The following LARGE1 variants were observed in gnomAD, a reference collection of about 807,000 sequenced individuals.
The protein encoded by LARGE1 is LARGE xylosyl- and glucuronyltransferase 1, also known as xylosyl- and glucuronyltransferase LARGE1.
A neutral mutation model predicts 87.6 loss-of-function variants in LARGE1; 43 were observed. The ratio of observed to expected loss-of-function variants is 0.49; its 90% CI spans 0.38 to 0.63. LARGE1 has a LOEUF of 0.63. LARGE1 is among the 30% of genes least tolerant of loss of function. The probability of loss-of-function intolerance (pLI) is 0.00; values close to 1 mark genes in which losing one functional copy is unlikely to be tolerated. For missense variants in LARGE1, 802 were observed against 1,000.2 expected, an observed-to-expected ratio of 0.80 and a Z score of 2.67; for synonymous variants, 434 against 394.6, an observed-to-expected ratio of 1.10 and a Z score of -1.18.
chr22:33,513,853 T>G (rs557858978), intron 6 of LARGE1, among the ~76,000 whole-genome samples: 2 of 88,606 alleles, frequency 2.3e-5, no homozygotes, highest in East Asian at 6.1e-4. Context: ...ACACGAGTCA[T>G]GTGCCACATA....
At chr22:33,585,042 G>C (rs2078630225) in intron 5 of LARGE1, among the ~76,000 whole-genome samples, 1 of 152,142 alleles carries the variant, frequency 6.6e-6, no homozygotes, top group African/African-American at 2.4e-5. Context: ...GCTTGAATCT[G>C]GGAGGTGGAG....
chr22:33,144,896 G>C, the LARGE1 span, among the ~76,000 whole-genome samples: 43 of 152,098 alleles, frequency 2.8e-4, no homozygotes, highest in Admixed American at 4.6e-4. Context: ...GATGGCAGGA[G>C]GCTGCAAGTC....
intron 6 of LARGE1, among the ~76,000 whole-genome samples, chr22:33,559,985 C>T (rs1167937138): frequency 6.6e-6 from 1 of 152,170 alleles, no homozygotes; most frequent in African/African-American, 2.4e-5. Context: ...TAACTTCGGT[C>T]TCTCCAAAGA....
intron 6 of LARGE1, among the ~76,000 whole-genome samples, chr22:33,465,842 T>TCA: frequency 6.6e-6 from 1 of 152,180 alleles, no homozygotes. Context: ...CTCCTCTCTC[T>TCA]CACCAATGGC....
intron 11 of LARGE1, among the ~76,000 whole-genome samples, chr22:33,224,526 A>G (rs756501161): frequency 1.1e-4 from 17 of 152,214 alleles, no homozygotes; most frequent in Non-Finnish European, 2.2e-4. Context: ...CTAAGAGAAA[A>G]CAGGTGTCTT....
chr22:33,217,563 G>T (rs1925267780), intron 11 of LARGE1, among the ~76,000 whole-genome samples: 1 of 152,126 alleles, frequency 6.6e-6, no homozygotes. Flanking sequence ...TTATTATATT[G>T]CCCATGAATG....
chr22:33,457,314 T>A (rs2068176597), intron 6 of LARGE1, among the ~76,000 whole-genome samples: 2 of 136,326 alleles, frequency 1.5e-5, no homozygotes, highest in Non-Finnish European at 3.2e-5. Context: ...TTTTTTTTTT[T>A]TTTTTTTTTG....
the LARGE1 span, among the ~76,000 whole-genome samples, chr22:33,100,115 C>T: frequency 6.6e-6 from 1 of 152,032 alleles, no homozygotes; most frequent in Non-Finnish European, 1.5e-5. Context: ...GCGGGTGGAT[C>T]ACCTGAGGTC....
chr22:33,349,906 G>C (rs1422681351), intron 9 of LARGE1, among the ~76,000 whole-genome samples: 1 of 152,152 alleles, frequency 6.6e-6, no homozygotes, highest in African/African-American at 2.4e-5. Flanking sequence ...CAGGAAAGGG[G>C]AAGAAAAGAG....
chr22:33,247,388 G>A (rs1201180325), intron 11 of LARGE1, among the ~76,000 whole-genome samples: 3 of 152,076 alleles, frequency 2.0e-5, no homozygotes, highest in African/African-American at 4.8e-5. Flanking sequence ...AGACCAAGCC[G>A]TGAATAAATT....
At chr22:33,541,058 G>GGGC (rs1241371093) in intron 6 of LARGE1, among the ~76,000 whole-genome samples, 1 of 97,104 alleles carries the variant, frequency 1.0e-5, no homozygotes, top group African/African-American at 3.6e-5. Flanking sequence ...GGGTTGCGGG[G>GGGC]GGGGGGGGGC....
intron 1 of LARGE1, among the ~76,000 whole-genome samples, chr22:33,890,078 G>C (rs16993248): frequency 0.042 from 6,341 of 152,326 alleles, 160 homozygotes; most frequent in East Asian, 0.14. Flanking sequence ...TCAGGCCTGG[G>C]AGAGAACAAC....
the LARGE1 span, among the ~76,000 whole-genome samples, chr22:33,086,311 C>T: frequency 2.6e-5 from 4 of 152,052 alleles, no homozygotes; most frequent in Non-Finnish European, 4.4e-5. Context: ...AATAACTTTG[C>T]TACGAGTTCC....
At chr22:33,624,626 G>C (rs1037587989) in intron 4 of LARGE1, among the ~76,000 whole-genome samples, 2 of 152,146 alleles carry the variant, frequency 1.3e-5, no homozygotes, top group Admixed American at 1.3e-4. Context: ...GGAGTGCAAA[G>C]TCAAAGCAAA....
intron 1 of LARGE1, among the ~76,000 whole-genome samples, chr22:33,867,267 A>C (rs1218299821): frequency 6.6e-6 from 1 of 152,214 alleles, no homozygotes; most frequent in Non-Finnish European, 1.5e-5. Context: ...CTTAATCATC[A>C]TGAACAGGAA....
intron 5 of LARGE1, among the ~76,000 whole-genome samples, chr22:33,576,301 T>A (rs1039220441): frequency 1.3e-5 from 2 of 152,216 alleles, no homozygotes; most frequent in South Asian, 4.1e-4. Flanking sequence ...ACCTGCTTCG[T>A]TCATTCATTC....
intron 9 of LARGE1, 58 bp from the exon 10 acceptor site, chr22:33,337,859 C>T (rs1372148857): frequency 5.7e-6 from 9 of 1,567,160 alleles, no homozygotes; most frequent in Admixed American, 1.7e-5. Flanking sequence ...GGATCCCTCA[C>T]ACCTGTAGGA....
the LARGE1 span, among the ~76,000 whole-genome samples, chr22:33,092,889 T>C: frequency 2.0e-5 from 3 of 152,180 alleles, no homozygotes; most frequent in East Asian, 1.9e-4. Context: ...GGCATTTGGG[T>C]TGATTTCACA....
In LARGE1 at chr22:33,711,052, C is replaced by A. The variant is rs192813843; in HGVS notation, c.106+50319G>T. Among the ~76,000 whole-genome samples, 5 of 152,160 alleles carry A rather than the reference C, an allele frequency of 3.3e-5. No homozygotes were observed. The East Asian group carries it at 9.7e-4, about 30-fold the overall frequency. ...ACGAGGCACTGTGCTGGATATAGAT[C>A]CCAAGCAAGCAAGAGAGGGCCAAGT... is the stretch of plus-strand genomic sequence containing the variant. On this transcript the variant is annotated intron_variant, in intron 2 of 14. Coordinates refer to ENST00000397394, the MANE Select transcript of LARGE1 (RefSeq NM_133642.5).
Sources: gnomAD v4.1 joint callset for allele counts (sites outside exome capture counted in the v4.1 genomes callset) on GRCh38, gnomAD v4.1.1 for gene constraint, MANE v1.5 for transcripts, NCBI Gene and HGNC (gene_info 2026-07-23, HGNC 2026-07-21) for gene names.